ATP10B: variants seen among roughly 807,000 people sequenced by gnomAD.
ATP10B encodes ATPase phospholipid transporting 10B (putative), also known as phospholipid-transporting ATPase VB.
In ATP10B, 122 loss-of-function variants were observed where a neutral mutation model predicts 141.2. The ratio of observed to expected loss-of-function variants is 0.86; its 90% CI spans 0.75 to 1.00. The LOEUF (loss-of-function observed/expected upper bound fraction) is 1.00, where lower values mean the gene tolerates loss of function less well. Ranked by LOEUF, ATP10B falls within the 50% of genes least tolerant of loss-of-function variation. ATP10B has a pLI of 0.00. For synonymous variants in ATP10B, 685 were observed against 692.0 expected, an observed-to-expected ratio of 0.99 and a Z score of 0.16; for missense variants, 1,876 against 1,825.3, an observed-to-expected ratio of 1.03 and a Z score of -0.51.
intron 22 of ATP10B, among the ~76,000 whole-genome samples, chr5:160,598,535 A>C (rs1302371400): frequency 6.6e-6 from 1 of 152,012 alleles, no homozygotes; most frequent in Non-Finnish European, 1.5e-5. Flanking sequence ...CTTAAAGTAT[A>C]ATAACAATAA....
Position 160,827,129 on chromosome 5 carries a change from A to G in ATP10B, c.-576+24812T>C, listed in dbSNP as rs146934041. Among the ~76,000 whole-genome samples, 916 of 152,152 alleles carry G rather than the reference A, an allele frequency of 6.0e-3. 12 individuals carry two copies. The highest frequency in any genetic ancestry group is 0.021 in the African/African-American group (872 of 41,504). On this transcript the variant is annotated intron_variant, in intron 1 of 25. Transcript: ENST00000327245. ...TGAAATCCTTAATAAAAACCTGCTG[A>G]TTTTGCAGCTCAGGTGGGCATCATG...
intron 1 of ATP10B, among the ~76,000 whole-genome samples, chr5:160,830,394 G>A (rs1774976436): frequency 1.3e-5 from 2 of 152,096 alleles, no homozygotes; most frequent in Non-Finnish European, 2.9e-5. Flanking sequence ...TGCCTTGGAA[G>A]TGAAATGTTC....
chr5:160,633,894 A>C, intron 12 of ATP10B: 1 of 295,818 alleles, frequency 3.4e-6, no homozygotes. Context: ...CTCAGTGACA[A>C]GCTAAGAGAT....
chr5:160,678,516 G>A (rs1431026792), intron 6 of ATP10B, among the ~76,000 whole-genome samples: 3 of 152,056 alleles, frequency 2.0e-5, no homozygotes, highest in Non-Finnish European at 2.9e-5. Context: ...AAAATTACCC[G>A]GGCATGATGG....
intron 24 of ATP10B, 55 bp downstream of exon 24, chr5:160,589,537 A>G (rs1756133688): frequency 7.5e-7 from 1 of 1,336,446 alleles, no homozygotes; most frequent in Non-Finnish European, 1.1e-6. Context: ...AAATTTGAGT[A>G]TAGTCAATGG....
In ATP10B at chr5:160,767,641, C is replaced by CCCCTG. The variant is rs1554113861; in HGVS notation, c.-331+17917_-331+17918insCAGGG. ...TGAGGGTCATGTGTGCAGAACCCCCCCCCCCAAAATAACAGGTTACTCTGA... is the reference window on the plus strand; with the variant it reads ...TGAGGGTCATGTGTGCAGAACCCCCCCCCTGCCCCCAAAATAACAGGTTACTCTGA... On this transcript the variant is annotated intron_variant, in intron 2 of 25. Coordinates refer to ENST00000327245, the MANE Select transcript of ATP10B (RefSeq NM_025153.3). Among the ~76,000 whole-genome samples, 2 of 114,194 alleles carry CCCCTG rather than the reference C, an allele frequency of 1.8e-5. 1 individual carries two copies. The highest frequency in any genetic ancestry group is 6.8e-4 in the South Asian group (2 of 2,958). 74.9% of individuals were successfully genotyped at this position (114,194 alleles called of 152,430 possible).
chr5:160,726,683 A>AGGG (rs1766387978), intron 2 of ATP10B, among the ~76,000 whole-genome samples: 1 of 127,556 alleles, frequency 7.8e-6, no homozygotes, highest in African/African-American at 3.0e-5. Context: ...GTAGGGGGGG[A>AGGG]GGAGGAGGAG....
chr5:160,607,928 A>T (rs1330841976), intron 18 of ATP10B, among the ~76,000 whole-genome samples: 1 of 151,864 alleles, frequency 6.6e-6, no homozygotes, highest in Non-Finnish European at 1.5e-5. Context: ...AGCATTATCA[A>T]TTCATTTATT....
Position 160,649,185 on chromosome 5 carries a change from T to G in ATP10B, c.747A>C (p.Lys249Asn). The change falls in exon 8 of 26, where the codon AAA becomes AAC. Residue 249 changes from lysine (K) to asparagine (N), a missense_variant. Transcript: ENST00000327245. Reference protein sequence around the residue: ...VCEKPNNHLNKFKGYMEHPDQ... With the variant: ...VCEKPNNHLNNFKGYMEHPDQ... ...GAGATACTTACATATAACCCTTAAA[T>G]TTGTTGAGGTGGTTGTTGGGTTTCT... The G allele has an allele frequency of 6.2e-7, 1 of 1,613,202 alleles. No individual in the cohort carries two copies. Among genetic ancestry groups the G allele is most frequent in the Non-Finnish European group, 8.5e-7 (1 of 1,179,272 alleles).
At chr5:160,731,654 T>A (rs947943502) in intron 2 of ATP10B, among the ~76,000 whole-genome samples, 2 of 152,170 alleles carry the variant, frequency 1.3e-5, no homozygotes, top group African/African-American at 4.8e-5. Context: ...TGGAAAAATG[T>A]CTGTCTTTAT....
At chr5:160,815,506 A>G (rs1272051345) in intron 1 of ATP10B, among the ~76,000 whole-genome samples, 1 of 152,160 alleles carries the variant, frequency 6.6e-6, no homozygotes, top group East Asian at 1.9e-4. Context: ...TTAGAGACCT[A>G]CAAAGAGACT....
chr5:160,734,681 A>T (rs1018531393), intron 2 of ATP10B, among the ~76,000 whole-genome samples: 1 of 152,168 alleles, frequency 6.6e-6, no homozygotes. Flanking sequence ...GAGGAACAAC[A>T]ACTACTCAAT....
chr5:160,861,291 T>G, the ATP10B span, among the ~76,000 whole-genome samples: 2 of 151,942 alleles, frequency 1.3e-5, no homozygotes, highest in African/African-American at 4.8e-5. Context: ...CCTACCATAA[T>G]TCTCTTTTCT....
chr5:160,702,163 CA>C (rs1271286578), intron 3 of ATP10B, among the ~76,000 whole-genome samples: 1 of 152,034 alleles, frequency 6.6e-6, no homozygotes, highest in Non-Finnish European at 1.5e-5. Context: ...ATTTGATAAA[CA>C]AAAAACAATA....
intron 22 of ATP10B, among the ~76,000 whole-genome samples, chr5:160,592,843 G>A (rs1339056092): frequency 6.6e-6 from 1 of 152,244 alleles, no homozygotes; most frequent in Non-Finnish European, 1.5e-5. Context: ...AAACTGCAAG[G>A]CAGCAGCGAG....
chr5:160,855,171 A>G (rs939419053), upstream of ATP10B, among the ~76,000 whole-genome samples: 16 of 152,094 alleles, frequency 1.1e-4, no homozygotes, highest in African/African-American at 3.1e-4. Context: ...TTTTAATCCT[A>G]GATGTATTTG....
intron 3 of ATP10B, among the ~76,000 whole-genome samples, chr5:160,694,822 A>T (rs1764272019): frequency 6.6e-6 from 1 of 152,256 alleles, no homozygotes; most frequent in Non-Finnish European, 1.5e-5. Flanking sequence ...GGGAGATTTT[A>T]AACATACACG....
intron 6 of ATP10B, among the ~76,000 whole-genome samples, chr5:160,673,497 A>G (rs1013025932): frequency 6.6e-6 from 1 of 150,970 alleles, no homozygotes. Context: ...CCGTTGTACT[A>G]TCACATACTA....
At chr5:160,791,924 A>G (rs1033168553) in intron 1 of ATP10B, among the ~76,000 whole-genome samples, 1 of 152,132 alleles carries the variant, frequency 6.6e-6, no homozygotes, top group Admixed American at 6.6e-5. Flanking sequence ...GGCCACAGCT[A>G]TGAAAATGAC....
Sources: allele counts gnomAD v4.1 joint callset (sites outside exome capture counted in the v4.1 genomes callset), GRCh38; gene constraint gnomAD v4.1.1; transcripts MANE v1.5; gene names NCBI Gene and HGNC (gene_info 2026-07-23, HGNC 2026-07-21).